Variants in ELP1 observed in about 807,000 individuals in gnomAD.
The protein encoded by ELP1 is elongator acetyltransferase complex subunit 1, also known as elongator complex protein 1.
A neutral mutation model predicts 183.2 loss-of-function variants in ELP1; 131 were observed. The observed-to-expected ratio is 0.72, with a 90% CI of 0.62 to 0.83. The LOEUF (loss-of-function observed/expected upper bound fraction) is 0.83. Ranked by LOEUF, ELP1 falls within the 40% of genes least tolerant of loss-of-function variation. The pLI is 0.00. For synonymous variants in ELP1, 555 were observed against 569.0 expected, an observed-to-expected ratio of 0.98 and a Z score of 0.35; for missense variants, 1,550 against 1,594.9, an observed-to-expected ratio of 0.97 and a Z score of 0.48.
chr9:108,869,214 A>C (rs983655571), intron 36 of ELP1, 32 bp from the exon 37 acceptor site: 1 of 1,592,414 alleles, frequency 6.3e-7, no homozygotes, highest in African/African-American at 1.3e-5. Context: ...AAATTGTGAC[A>C]GACATACTCT....
chr9:108,892,110 G>A (rs1477223544), intron 27 of ELP1, among the ~76,000 whole-genome samples: 1 of 152,192 alleles, frequency 6.6e-6, no homozygotes, highest in East Asian at 1.9e-4. Flanking sequence ...ACAGCCTGGT[G>A]GAGGCGACAA....
At position 108,911,043 on chromosome 9, in the gene ELP1, C is replaced by T. The variant is rs1829198560; in HGVS notation, c.1327G>A (p.Asp443Asn). The change falls in exon 12 of 37, where the codon GAT (aspartate) becomes AAT (asparagine). Residue 443 changes from aspartate (D) to asparagine (N), a missense_variant. By Grantham distance (23) the Asp-to-Asn change is conservative (BLOSUM62 1). Coordinates refer to ENST00000374647, the MANE Select transcript of ELP1 (RefSeq NM_003640.5). The part of the protein sequence containing the change: ...PQKSNDLAVL[D>N]ASNQISVYKC... ...TAAACAGAAATCTGGTTACTGGCAT[C>T]TAGAACAGCAAGGTCATTACTCTTT... 1 of 1,614,138 alleles carries T rather than the reference C, an allele frequency of 6.2e-7. No homozygotes were observed. Among genetic ancestry groups the T allele is most frequent in the Non-Finnish European group, 8.5e-7 (1 of 1,180,010 alleles).
At chr9:108,932,364 G>A (rs951521855) in intron 1 of ELP1, among the ~76,000 whole-genome samples, 7 of 151,134 alleles carry the variant, frequency 4.6e-5, no homozygotes, top group African/African-American at 7.3e-5. Flanking sequence ...TTTTTGAGAC[G>A]GAGTTTCGCT....
chr9:108,919,273 C>A lies in ELP1; in HGVS notation c.629G>T (p.Ser210Ile). The A allele has an allele frequency of 6.2e-7, 1 of 1,613,448 alleles. No individual in the cohort carries two copies. Among genetic ancestry groups the A allele is most frequent in the South Asian group, 1.1e-5 (1 of 91,056 alleles). The change falls in exon 7 of 37, where the codon AGT (serine) becomes ATT (isoleucine). Residue 210 changes from serine to isoleucine, a missense_variant. Ser to Ile is a moderately radical substitution (Grantham distance 142, BLOSUM62 -2). Coordinates refer to ENST00000374647, the MANE Select transcript of ELP1 (RefSeq NM_003640.5). ...WRGDGQFFAV[S>I]VVCPETGARK... The stretch of plus-strand genomic sequence containing the variant: ...CATACCTGTTTCTGGGCAAACAACA[C>A]TCACAGCAAAAAACTGTCCATCCCC...
intron 20 of ELP1, 49 bp from the exon 21 acceptor site, chr9:108,898,798 C>T (rs1307736008): frequency 8.0e-7 from 1 of 1,246,154 alleles, no homozygotes; most frequent in Non-Finnish European, 1.2e-6. Flanking sequence ...AAAAACTGAG[C>T]TCCATGGGCC....
chr9:108,909,419 C>T (rs148548504), intron 12 of ELP1, among the ~76,000 whole-genome samples: 1 of 152,284 alleles, frequency 6.6e-6, no homozygotes, highest in East Asian at 1.9e-4. Context: ...GCATCAAACA[C>T]CATCTTTGAA....
chr9:108,906,597 T>C, intron 13 of ELP1, 112 bp from the exon 14 acceptor site: 1 of 834,066 alleles, frequency 1.2e-6, no homozygotes. Flanking sequence ...CTCCTAATTA[T>C]TTGGAGGGAC....
In ELP1 at chr9:108,873,946, CAG is replaced by C. The variant is rs1827592629; in HGVS notation, c.3931+947_3931+948del. ...CAAAAGAACCTTGCCATTCTCTAGA[CAG>C]AAGAGGAGCTAGGAATACAGTAGTT... On this transcript the variant is annotated intron_variant, in intron 36 of 36. Coordinates refer to ENST00000374647, the MANE Select transcript of ELP1 (RefSeq NM_003640.5). Among the ~76,000 whole-genome samples the C allele has an allele frequency of 2.0e-5, 3 of 152,000 alleles. No homozygotes were observed. The South Asian group carries it at 6.2e-4, about 32-fold the overall frequency.
rs1408566713 is a variant in ELP1 at position 108,911,170 on chromosome 9, C to T, written c.1200G>A (p.Leu400=). The part of the protein sequence containing the change: ...NVAVIDGNRV[L]VTVFRQTVVP... ...CCACAGTCTGCCGGAAGACTGTCAC[C>T]AACACCCTGTCTGCAGTGAAAAAGA... The change falls in exon 12 of 37, where the codon TTG becomes TTA. Residue 400 remains leucine, a synonymous_variant. Transcript: ENST00000374647. 1.9e-6 allele frequency: 3 copies of T among 1,614,116 alleles called. No homozygotes were observed. The highest frequency in any genetic ancestry group is 2.5e-6 in the Non-Finnish European group (3 of 1,179,996).
chr9:108,917,741 GT>G (rs947298888), intron 8 of ELP1, 71 bp from the exon 9 acceptor site: 13 of 1,526,308 alleles, frequency 8.5e-6, no homozygotes, highest in African/African-American at 5.5e-5. Flanking sequence ...ATCCAGAAGA[GT>G]TTTTTTTCCA....
rs2131988347 is a variant in ELP1 at position 108,900,251 on chromosome 9, C to A, written c.2130+9G>T. On this transcript the variant is annotated intron_variant, in intron 19 of 36. Transcript: ENST00000374647. ...CAGACTATCTATCTTGTCTGAAAAA[C>A]CAGCTTACCTGTAATACAAGCTTTG... is the stretch of plus-strand genomic sequence containing the variant. The A allele has an allele frequency of 1.3e-6, 2 of 1,593,624 alleles. No individual in the cohort carries two copies. Among genetic ancestry groups the A allele is most frequent in the Non-Finnish European group, 1.7e-6 (2 of 1,161,174 alleles).
chr9:108,932,420 CA>C (rs1830029359), intron 1 of ELP1, among the ~76,000 whole-genome samples: 1 of 152,188 alleles, frequency 6.6e-6, no homozygotes, highest in African/African-American at 2.4e-5. Flanking sequence ...CGGCTCACCG[CA>C]ACATCTGCCT....
At position 108,914,561 on chromosome 9, in the gene ELP1, A is replaced by G. The variant is rs569050424; in HGVS notation, c.958+1643T>C. Among the ~76,000 whole-genome samples the G allele has an allele frequency of 2.6e-5, 4 of 152,334 alleles. No individual in the cohort carries two copies. In the South Asian group the frequency reaches 6.2e-4, roughly 24 times the overall value. Reference sequence around the variant, plus strand: ...GTAAATGTCTAACAGCATGAGATTTAATGAACGAGAATAAACGAGTATTAT... The same window carrying G: ...GTAAATGTCTAACAGCATGAGATTTGATGAACGAGAATAAACGAGTATTAT... On this transcript the variant is annotated intron_variant, in intron 10 of 36. Coordinates refer to ENST00000374647, the MANE Select transcript of ELP1 (RefSeq NM_003640.5).
intron 14 of ELP1, among the ~76,000 whole-genome samples, chr9:108,905,686 G>A (rs916451001): frequency 6.6e-6 from 1 of 152,124 alleles, no homozygotes; most frequent in Non-Finnish European, 1.5e-5. Flanking sequence ...TCATCATTGT[G>A]CAAACATCAT....
chr9:108,907,187 A>T (rs1829052863), intron 13 of ELP1, among the ~76,000 whole-genome samples: 1 of 152,044 alleles, frequency 6.6e-6, no homozygotes, highest in Admixed American at 6.6e-5. Context: ...TCCCCACCAG[A>T]CCCAATGTTC....
chr9:108,920,405 T>C (rs955621439), intron 6 of ELP1, among the ~76,000 whole-genome samples: 1 of 151,808 alleles, frequency 6.6e-6, no homozygotes, highest in Non-Finnish European at 1.5e-5. Context: ...CCTTAGCTTC[T>C]CAAGTAGCTG....
intron 29 of ELP1, among the ~76,000 whole-genome samples, chr9:108,887,199 ACT>A (rs1587880499): frequency 1.3e-5 from 2 of 152,178 alleles, no homozygotes; most frequent in East Asian, 3.9e-4. Context: ...ACAGAGCAAG[ACT>A]CTGTCTCAAA....
At chr9:108,889,526 CCA>C (rs1828245609) in intron 28 of ELP1, 133 bp from the exon 29 acceptor site, 2 of 787,562 alleles carry the variant, frequency 2.5e-6, no homozygotes, top group South Asian at 1.4e-5. Flanking sequence ...GGTATATACA[CCA>C]CAGAGTCCTA....
intron 13 of ELP1, among the ~76,000 whole-genome samples, chr9:108,907,691 T>C (rs973513738): frequency 2.0e-5 from 3 of 152,218 alleles, no homozygotes; most frequent in Admixed American, 2.0e-4. Flanking sequence ...ACCTAACCTC[T>C]ACACTTTGTT....
Sources: gnomAD v4.1 joint callset for allele counts (sites outside exome capture counted in the v4.1 genomes callset) on GRCh38, gnomAD v4.1.1 for gene constraint, MANE v1.5 for transcripts, NCBI Gene and HGNC (gene_info 2026-07-23, HGNC 2026-07-21) for gene names.